SLC36A1: variants seen among roughly 807,000 people sequenced by gnomAD.
SLC36A1 encodes the protein proton-coupled amino acid transporter 1.
In SLC36A1, 30 loss-of-function variants were observed where a neutral mutation model predicts 47.5. The ratio of observed to expected loss-of-function variants is 0.63; its 90% CI spans 0.47 to 0.86. The LOEUF is 0.86. SLC36A1 is among the 40% of genes least tolerant of loss of function. SLC36A1 has a pLI of 0.00. For missense variants in SLC36A1, 517 were observed against 606.0 expected (o/e 0.85, Z 1.54); for synonymous variants, 255 against 249.7 (o/e 1.02, Z -0.20).
At chr5:151,378,191 ATCT>A in the SLC36A1 span, 1 of 268,314 alleles carries the variant, frequency 3.7e-6, no homozygotes, top group Non-Finnish European at 7.5e-6. Flanking sequence ...TAGGTTTTTA[ATCT>A]TCTTCATGAG....
chr5:151,425,242 C>T, the SLC36A1 span: 1 of 152,318 alleles, frequency 6.6e-6, no homozygotes, highest in Non-Finnish European at 1.5e-5. Context: ...GACATCCCCA[C>T]CCCACATTCC....
the SLC36A1 span, chr5:151,554,654 C>G: frequency 6.2e-6 from 10 of 1,613,382 alleles, no homozygotes; most frequent in Non-Finnish European, 8.5e-6. Context: ...TGAGGGTTCC[C>G]CATTGTCCAG....
chr5:151,398,823 T>A, the SLC36A1 span, among the ~76,000 whole-genome samples: 1 of 152,200 alleles, frequency 6.6e-6, no homozygotes, highest in Admixed American at 6.5e-5. Context: ...CATGTCACTT[T>A]TAGCCCTTGG....
the SLC36A1 span, chr5:151,512,717 G>GTGT: frequency 3.0e-6 from 3 of 998,426 alleles, no homozygotes; most frequent in Non-Finnish European, 4.4e-6. The surrounding 1 kb of genome is among the most constrained non-coding windows in gnomAD (Gnocchi z 4.1). Context: ...TAGGAGGGGG[G>GTGT]TGTTTGGCTG....
intron 2 of SLC36A1, among the ~76,000 whole-genome samples, chr5:151,462,837 T>A (rs577647041): frequency 1.3e-5 from 2 of 152,178 alleles, no homozygotes; most frequent in Admixed American, 6.5e-5. Flanking sequence ...TTGTCCGTCA[T>A]TGTTTGGTTT....
intron 2 of SLC36A1, among the ~76,000 whole-genome samples, chr5:151,461,998 C>A (rs1581119459): frequency 6.7e-6 from 1 of 149,032 alleles, no homozygotes; most frequent in Admixed American, 6.7e-5. Context: ...GAACAACTAA[C>A]AAACTGTAGG....
intron 8 of SLC36A1, among the ~76,000 whole-genome samples, chr5:151,476,128 G>A (rs922102606): frequency 6.6e-6 from 1 of 152,262 alleles, no homozygotes. Flanking sequence ...GTCACTGCTA[G>A]TGCTTGCCCC....
the SLC36A1 span, among the ~76,000 whole-genome samples, chr5:151,506,506 T>C: frequency 6.6e-6 from 1 of 151,856 alleles, no homozygotes. Context: ...TCATGGAGAG[T>C]GATGAAATGA....
At chr5:151,347,172 T>G in the SLC36A1 span, 4 of 1,221,430 alleles carry the variant, frequency 3.3e-6, no homozygotes, top group Non-Finnish European at 3.6e-6. Flanking sequence ...TGACTGCACC[T>G]TTTGCAACCT....
chr5:151,501,547 G>T, the SLC36A1 span, among the ~76,000 whole-genome samples: 3 of 148,064 alleles, frequency 2.0e-5, no homozygotes, highest in Non-Finnish European at 2.9e-5. Context: ...CTCCCAAAGT[G>T]CTGGGATTAC....
At chr5:151,401,378 G>A in the SLC36A1 span, among the ~76,000 whole-genome samples, 3 of 152,078 alleles carry the variant, frequency 2.0e-5, no homozygotes, top group African/African-American at 7.2e-5. Flanking sequence ...TGTTCCATGG[G>A]TCTATGAGTC....
intron 1 of SLC36A1, among the ~76,000 whole-genome samples, chr5:151,438,361 C>A (rs1190173380): frequency 6.6e-6 from 1 of 151,782 alleles, no homozygotes; most frequent in Non-Finnish European, 1.5e-5. Flanking sequence ...CTTTATATGT[C>A]CTTGAGATCA....
chr5:151,472,015 A>G (rs1319132455), intron 7 of SLC36A1, among the ~76,000 whole-genome samples: 1 of 152,124 alleles, frequency 6.6e-6, no homozygotes, highest in Non-Finnish European at 1.5e-5. Flanking sequence ...ACAGTCTGTT[A>G]CTGGAGACTG....
chr5:151,484,861 T>A (rs748183076), intron 10 of SLC36A1, among the ~76,000 whole-genome samples: 6 of 152,116 alleles, frequency 3.9e-5, no homozygotes, highest in Non-Finnish European at 8.8e-5. Context: ...CCTACACCCA[T>A]TCCTATACCA....
upstream of SLC36A1, among the ~76,000 whole-genome samples, chr5:151,444,107 T>A (rs1321562820): frequency 6.6e-6 from 1 of 152,252 alleles, no homozygotes; most frequent in East Asian, 1.9e-4. Flanking sequence ...GTGTGATGCA[T>A]CCAGTTTGTT....
At chr5:151,549,167 A>T in the SLC36A1 span, 1 of 807,954 alleles carries the variant, frequency 1.2e-6, no homozygotes. Flanking sequence ...GGAATGCTCT[A>T]GAATTATTGT....
chr5:151,399,065 A>AATATATATATATAT, the SLC36A1 span, among the ~76,000 whole-genome samples: 665 of 66,498 alleles, frequency 0.01, 5 homozygotes, highest in African/African-American at 0.01. Context: ...TGTGTGTGTA[A>AATATATATATATAT]ATATATATAT....
chr5:151,371,176 A>T, the SLC36A1 span, among the ~76,000 whole-genome samples: 4 of 152,092 alleles, frequency 2.6e-5, no homozygotes, highest in African/African-American at 9.7e-5. Flanking sequence ...GACATTGAGA[A>T]CCACTGGCAT....
At chr5:151,370,415 T>A in the SLC36A1 span, among the ~76,000 whole-genome samples, 3 of 152,200 alleles carry the variant, frequency 2.0e-5, no homozygotes, top group African/African-American at 7.2e-5. Flanking sequence ...CTTCCTTTTT[T>A]TTTTTGTTAG....
Sources: gnomAD v4.1 joint callset for allele counts (sites outside exome capture counted in the v4.1 genomes callset) on GRCh38, gnomAD v4.1.1 for gene constraint, Gnocchi (gnomAD v3.1) non-coding constraint, MANE v1.5 for transcripts, NCBI Gene and HGNC (gene_info 2026-07-23, HGNC 2026-07-21) for gene names.